TBC1D1: variants seen among roughly 807,000 people sequenced by gnomAD.
The protein encoded by TBC1D1 is TBC1 domain family member 1, also known as TBC1 (tre-2/USP6, BUB2, cdc16) domain family, member 1.
In TBC1D1, 89 loss-of-function variants were observed where a neutral mutation model predicts 125.6. The observed-to-expected ratio is 0.71, with a 90% CI of 0.60 to 0.85. TBC1D1 has a LOEUF of 0.85. TBC1D1 is among the 40% of genes least tolerant of loss of function. The pLI is 0.00. For missense variants in TBC1D1, 1,377 were observed against 1,469.2 expected (o/e 0.94, Z 1.03); for synonymous variants, 565 against 564.1 (o/e 1.00, Z -0.02).
intron 5 of TBC1D1, 121 bp downstream of exon 5, chr4:38,020,816 T>A (rs1267135545): frequency 4.1e-6 from 3 of 739,294 alleles, no homozygotes; most frequent in Non-Finnish European, 4.5e-6. Flanking sequence ...TTGTCTTTAG[T>A]TATTTACTTA....
chr4:37,955,957 T>C (rs1728851824), intron 2 of TBC1D1, among the ~76,000 whole-genome samples: 1 of 152,036 alleles, frequency 6.6e-6, no homozygotes, highest in Non-Finnish European at 1.5e-5. Flanking sequence ...GGCAACATAG[T>C]GAGACCTTGT....
At chr4:37,915,052 T>C (rs1160667111) in intron 2 of TBC1D1, among the ~76,000 whole-genome samples, 2 of 152,254 alleles carry the variant, frequency 1.3e-5, no homozygotes, top group Non-Finnish European at 2.9e-5. Context: ...CCTACTTACC[T>C]GCCTGAGCTC....
At chr4:37,915,101 G>A (rs548935883) in intron 2 of TBC1D1, among the ~76,000 whole-genome samples, 2 of 152,340 alleles carry the variant, frequency 1.3e-5, no homozygotes, top group East Asian at 1.9e-4. Context: ...TTCACTGCTA[G>A]TCCCTGGCAC....
chr4:38,014,391 C>T lies in TBC1D1; in HGVS notation c.418-118C>T. 3 of 965,092 alleles carry T rather than the reference C, an allele frequency of 3.1e-6. No homozygotes were observed. The highest frequency in any genetic ancestry group is 1.5e-5 in the South Asian group (1 of 64,996). The allele number at this position is 965,092 out of a possible 1,614,324, so 59.8% of individuals were successfully genotyped here. On this transcript the variant is annotated intron_variant, in intron 2 of 19. Coordinates refer to ENST00000261439, the MANE Select transcript of TBC1D1 (RefSeq NM_015173.4). The surrounding 1 kb of genome is among the most constrained non-coding windows in gnomAD (Gnocchi z 5.1). ...TGGGCTCCTCCTCCAGTGGGCTCCT[C>T]CTCCAGTGCTCCGCAGTGGAGTAGC...
chr4:37,908,270 A>G (rs1717784045), intron 2 of TBC1D1, among the ~76,000 whole-genome samples: 1 of 152,064 alleles, frequency 6.6e-6, no homozygotes, highest in Admixed American at 6.5e-5. Context: ...CAGTCGTGCA[A>G]TCTTGGCTCA....
At chr4:38,060,742 T>G (rs1364260754) in intron 12 of TBC1D1, 1 of 908,406 alleles carries the variant, frequency 1.1e-6, no homozygotes, top group Non-Finnish European at 1.5e-6. Context: ...GATCATGGTT[T>G]AGAGCGGTGT....
Position 37,995,006 on chromosome 4 carries a change from T to G in TBC1D1, c.418-19503T>G, listed in dbSNP as rs1054289982. Among the ~76,000 whole-genome samples, 5 of 152,238 alleles carry G rather than the reference T, an allele frequency of 3.3e-5. No homozygotes were observed. Among genetic ancestry groups the G allele is most frequent in the Non-Finnish European group, 7.3e-5 (5 of 68,044 alleles). On this transcript the variant is annotated intron_variant, in intron 2 of 19. Transcript: ENST00000261439. This position sits in a 1 kb window ranked among gnomAD's most constrained non-coding sequence, Gnocchi z 4.3. ...TCACCATGTTCTTGATGTTGGCATT[T>G]TTTTGGTTTTGTTTTGTGGGTATTT...
intron 14 of TBC1D1, 144 bp from the exon 17 acceptor site, chr4:38,102,855 C>T (rs553458944): frequency 3.3e-5 from 29 of 876,250 alleles, no homozygotes; most frequent in Non-Finnish European, 4.0e-5. Context: ...CACTGCAGCT[C>T]GGGTGACAAA....
At chr4:38,094,112 T>C (rs968052732) in intron 13 of TBC1D1, among the ~76,000 whole-genome samples, 3 of 152,224 alleles carry the variant, frequency 2.0e-5, no homozygotes, top group Admixed American at 6.5e-5. Context: ...TCTCTGCAAG[T>C]GTGGGGGTCA....
intron 2 of TBC1D1, among the ~76,000 whole-genome samples, chr4:37,961,887 C>T (rs955393688): frequency 1.3e-5 from 2 of 152,198 alleles, no homozygotes; most frequent in Non-Finnish European, 2.9e-5. Context: ...GGTCTCAGTC[C>T]TAGGCTGTCA....
chr4:37,914,585 C>A (rs540990625), intron 2 of TBC1D1, among the ~76,000 whole-genome samples: 144 of 152,330 alleles, frequency 9.5e-4, no homozygotes, highest in Non-Finnish European at 1.8e-3. Flanking sequence ...ATTCTTTCCA[C>A]CAGACATCCA....
intron 2 of TBC1D1, among the ~76,000 whole-genome samples, chr4:37,989,178 A>C (rs1315928133): frequency 6.6e-6 from 1 of 152,178 alleles, no homozygotes; most frequent in Non-Finnish European, 1.5e-5. Flanking sequence ...GTCTGATAAG[A>C]TCTCTGAAGC....
At chr4:38,072,210 C>G (rs527475236) in intron 12 of TBC1D1, among the ~76,000 whole-genome samples, 17 of 152,290 alleles carry the variant, frequency 1.1e-4, no homozygotes, top group South Asian at 4.2e-4. Flanking sequence ...GAGAGAGAGA[C>G]ACACGTCTGT....
At chr4:38,055,049 G>C (rs981506739) in intron 12 of TBC1D1, 3 of 152,134 alleles carry the variant, frequency 2.0e-5, no homozygotes, top group African/African-American at 7.2e-5. Context: ...GCGCATGCTT[G>C]AGCCCACTCG....
At position 38,103,955 on chromosome 4, in the gene TBC1D1, C is replaced by A. The variant is rs113094176; in HGVS notation, c.2557+798C>A. ...CTGGTGGATCATGAAGTCAGGAGAT[C>A]GAGACCATCCTGGCTGACACGGTGA... On this transcript the variant is annotated intron_variant, in intron 15 of 19. Transcript: ENST00000261439. 1.1e-3 allele frequency among the ~76,000 whole-genome samples: 168 copies of A among 151,740 alleles called. 2 individuals are homozygous for A. The East Asian group carries it at 0.029, about 27-fold the overall frequency.
At chr4:37,960,400 A>T in intron 2 of TBC1D1, 1 of 1,555,574 alleles carries the variant, frequency 6.4e-7, no homozygotes. Context: ...ACGGTCTTAG[A>T]TGAATGTGGC....
At chr4:37,968,793 AT>A (rs35952824) in intron 2 of TBC1D1, among the ~76,000 whole-genome samples, 28,061 of 151,940 alleles carry the variant, frequency 0.18, 2,996 homozygotes, top group East Asian at 0.33. Context: ...GCAAGGAGGG[AT>A]TGGAGGTGTG....
chr4:38,028,215 G>C (rs943074805), intron 7 of TBC1D1, among the ~76,000 whole-genome samples: 5 of 152,184 alleles, frequency 3.3e-5, no homozygotes, highest in African/African-American at 1.2e-4. Flanking sequence ...TCCCAGGCTG[G>C]AGTGCAGTGG....
At chr4:38,007,879 G>A (rs1740667090) in intron 2 of TBC1D1, among the ~76,000 whole-genome samples, 2 of 152,214 alleles carry the variant, frequency 1.3e-5, no homozygotes, top group Non-Finnish European at 2.9e-5. Flanking sequence ...ATGAAGCCCT[G>A]CCTTCCCTGG....
Sources: gnomAD v4.1 joint callset for allele counts (sites outside exome capture counted in the v4.1 genomes callset) on GRCh38, gnomAD v4.1.1 for gene constraint, Gnocchi (gnomAD v3.1) non-coding constraint, MANE v1.5 for transcripts, NCBI Gene and HGNC (gene_info 2026-07-23, HGNC 2026-07-21) for gene names.